TMEM108: variants seen among roughly 807,000 people sequenced by gnomAD.
TMEM108 encodes transmembrane protein 108, also known as cancer/testis antigen 124.
TMEM108 carries 12 observed loss-of-function variants against 35.1 expected under a neutral mutation model. The observed-to-expected ratio is 0.34, with a 90% CI of 0.22 to 0.55. The LOEUF is 0.55. Ranked by LOEUF, TMEM108 falls within the 20% of genes least tolerant of loss-of-function variation. TMEM108 has a pLI of 0.89. For missense variants in TMEM108, 680 were observed against 753.3 expected (o/e 0.90, Z 1.14); for synonymous variants, 287 against 308.6 (o/e 0.93, Z 0.73).
chr3:133,331,102 T>TA (rs1559906835), intron 3 of TMEM108, among the ~76,000 whole-genome samples: 2 of 152,112 alleles, frequency 1.3e-5, no homozygotes, highest in Non-Finnish European at 2.9e-5. Context: ...AAACCTCTAA[T>TA]AAAAAATCAA....
intron 3 of TMEM108, among the ~76,000 whole-genome samples, chr3:133,343,224 G>C (rs934125681): frequency 6.6e-6 from 1 of 151,824 alleles, no homozygotes; most frequent in Non-Finnish European, 1.5e-5. Flanking sequence ...AACAAATGCT[G>C]GTGAGAATGT....
rs538161072 is a variant in TMEM108, at chr3:133,316,192, TAAAAC to T, written c.41-63556_41-63552del. Among the ~76,000 whole-genome samples, 306 of 152,176 alleles carry T rather than the reference TAAAAC, an allele frequency of 2.0e-3. 1 individual carries two copies. Among genetic ancestry groups the T allele is most frequent in the Non-Finnish European group, 2.1e-3 (142 of 67,978 alleles). On this transcript the variant is annotated intron_variant, in intron 3 of 5. Transcript: ENST00000321871. Reference sequence around the variant, plus strand: ...AAGAGGGAGATAAATAAACATGAAATAAAACAAATGAAATACGTACCCCACATTCT... The same window carrying T: ...AAGAGGGAGATAAATAAACATGAAATAAATGAAATACGTACCCCACATTCT...
intron 2 of TMEM108, among the ~76,000 whole-genome samples, chr3:133,154,463 A>G (rs1157580838): frequency 6.6e-6 from 1 of 152,186 alleles, no homozygotes; most frequent in East Asian, 1.9e-4. Flanking sequence ...AATTAACCCA[A>G]ATGTCCAACA....
At chr3:133,354,884 A>T (rs199967595) in intron 3 of TMEM108, among the ~76,000 whole-genome samples, 2 of 29,154 alleles carry the variant, frequency 6.9e-5, no homozygotes, top group Non-Finnish European at 2.2e-4. Flanking sequence ...GCACATGTTT[A>T]AAAAAAAAAA....
chr3:133,233,892 T>A, intron 3 of TMEM108, among the ~76,000 whole-genome samples: 1 of 151,796 alleles, frequency 6.6e-6, no homozygotes, highest in South Asian at 2.1e-4. Flanking sequence ...GGGTTGTTTG[T>A]TTTTTTCTTG....
At chr3:133,258,406 A>G (rs769121497) in intron 3 of TMEM108, among the ~76,000 whole-genome samples, 1 of 152,214 alleles carries the variant, frequency 6.6e-6, no homozygotes, top group Non-Finnish European at 1.5e-5. Flanking sequence ...GAAGGCAGGA[A>G]AGCATACCAT....
At chr3:133,184,538 T>C (rs777315273) in intron 2 of TMEM108, among the ~76,000 whole-genome samples, 2 of 152,224 alleles carry the variant, frequency 1.3e-5, no homozygotes, top group Non-Finnish European at 1.5e-5. Context: ...TACCATTGCC[T>C]TGACACCTAA....
intron 2 of TMEM108, among the ~76,000 whole-genome samples, chr3:133,115,487 C>G (rs1428667515): frequency 6.6e-6 from 1 of 152,140 alleles, no homozygotes; most frequent in African/African-American, 2.4e-5. Context: ...AGAGGTGACT[C>G]CTTTCATAAA....
At chr3:133,204,682 A>C (rs10804621) in intron 2 of TMEM108, among the ~76,000 whole-genome samples, 116,331 of 152,064 alleles carry the variant, frequency 0.77, 44,713 homozygotes, top group East Asian at 0.94. Context: ...GTTATGATTT[A>C]CATTCTTTTA....
intron 3 of TMEM108, among the ~76,000 whole-genome samples, chr3:133,347,147 T>A (rs1211198129): frequency 6.6e-6 from 1 of 152,144 alleles, no homozygotes; most frequent in African/African-American, 2.4e-5. Context: ...AACTTTATAA[T>A]CAGTTTGTCA....
chr3:133,386,641 A>G lies in TMEM108; in HGVS notation c.1451-3539A>G, dbSNP rs146752777. 104 of 1,418,506 alleles carry G rather than the reference A, an allele frequency of 7.3e-5. No homozygotes were observed. In the African/African-American group the frequency reaches 1.3e-3, roughly 17 times the overall value. The allele number at this position is 1,418,506 out of a possible 1,614,324, so 87.9% of individuals were successfully genotyped here. On this transcript the variant is annotated intron_variant, in intron 4 of 5. Transcript: ENST00000321871. ...CTCCATGACCTCCTCCAGAGTCTTG[A>G]TGGCTACTGCCTCAGGAGAAACAGA...
At position 133,070,745 on chromosome 3, in the gene TMEM108, A is replaced by ATGTGTGTGTGTGTG. The variant is rs10530634; in HGVS notation, c.-47+24739_-47+24752dup. Among the ~76,000 whole-genome samples the ATGTGTGTGTGTGTG allele has an allele frequency of 9.1e-3, 1,346 of 148,394 alleles. 16 individuals are homozygous for ATGTGTGTGTGTGTG. The highest frequency in any genetic ancestry group is 0.018 in the South Asian group (82 of 4,552). On this transcript the variant is annotated intron_variant, in intron 2 of 5. Coordinates refer to ENST00000321871, the MANE Select transcript of TMEM108 (RefSeq NM_023943.4). ...TTGCAGTGAATGCTTTCTCTGATGTATGTGTGTGTGTGTGTGTGTGTGTGT... is the reference window on the plus strand; with the variant it reads ...TTGCAGTGAATGCTTTCTCTGATGTATGTGTGTGTGTGTGTGTGTGTGTGTGTGTGTGTGTGTGT...
chr3:133,331,820 C>T (rs1270081017), intron 3 of TMEM108, among the ~76,000 whole-genome samples: 1 of 152,210 alleles, frequency 6.6e-6, no homozygotes, highest in Admixed American at 6.5e-5. Context: ...CCTCAAGACC[C>T]AAGAGGCCAG....
At chr3:133,267,393 A>G (rs1378193318) in intron 3 of TMEM108, among the ~76,000 whole-genome samples, 7 of 152,188 alleles carry the variant, frequency 4.6e-5, no homozygotes, top group South Asian at 2.1e-4. Flanking sequence ...GAAAACGTCA[A>G]TTAAGGCTTC....
intron 3 of TMEM108, among the ~76,000 whole-genome samples, chr3:133,358,591 A>G (rs141930444): frequency 2.2e-4 from 34 of 152,050 alleles, no homozygotes; most frequent in African/African-American, 7.7e-4. Flanking sequence ...CTCCAGGTGG[A>G]CTCTCTGGGC....
intron 2 of TMEM108, among the ~76,000 whole-genome samples, chr3:133,151,157 C>G (rs527378501): frequency 5.3e-5 from 8 of 152,086 alleles, no homozygotes; most frequent in African/African-American, 1.9e-4. Context: ...CTAGGTGCTC[C>G]TTTAGCATTG....
At chr3:133,058,464 T>A (rs1161682087) in intron 2 of TMEM108, among the ~76,000 whole-genome samples, 2 of 152,244 alleles carry the variant, frequency 1.3e-5, no homozygotes, top group Non-Finnish European at 2.9e-5. Context: ...TGCAGTCAGG[T>A]GTGCTTTCTC....
intron 3 of TMEM108, among the ~76,000 whole-genome samples, chr3:133,330,388 T>C (rs2071381666): frequency 6.6e-6 from 1 of 152,048 alleles, no homozygotes; most frequent in African/African-American, 2.4e-5. Context: ...TATTCAAAGA[T>C]GGGTGTGGGT....
At chr3:133,043,787 T>C (rs1943303180) in intron 1 of TMEM108, among the ~76,000 whole-genome samples, 1 of 152,158 alleles carries the variant, frequency 6.6e-6, no homozygotes, top group Admixed American at 6.5e-5. Context: ...AAAAAAATCC[T>C]TAGGTTCCTT....
Sources: allele counts gnomAD v4.1 joint callset (sites outside exome capture counted in the v4.1 genomes callset), GRCh38; gene constraint gnomAD v4.1.1; transcripts MANE v1.5; gene names NCBI Gene and HGNC (gene_info 2026-07-23, HGNC 2026-07-21).